The following FREM2 variants were observed in gnomAD, a reference collection of about 807,000 sequenced individuals.
FREM2 encodes the protein FRAS1-related extracellular matrix protein 2.
In FREM2, 119 loss-of-function variants were observed where a neutral mutation model predicts 219.9. The ratio of observed to expected loss-of-function variants is 0.54; its 90% confidence interval spans 0.47 to 0.63. FREM2 has a LOEUF of 0.63. FREM2 is among the 30% of genes least tolerant of loss of function. The probability of loss-of-function intolerance (pLI) is 0.00; values close to 1 mark genes in which losing one functional copy is unlikely to be tolerated. For missense variants in FREM2, 4,030 were observed against 3,993.6 expected (o/e 1.01, Z -0.25); for synonymous variants, 1,562 against 1,522.8 (o/e 1.03, Z -0.60).
Position 38,691,916 on chromosome 13 carries a change from C to G in FREM2, c.4572C>G (p.Ile1524Met). 1 of 1,614,186 alleles carries G rather than the reference C, an allele frequency of 6.2e-7. No individual in the cohort carries two copies. Among genetic ancestry groups the G allele is most frequent in the Non-Finnish European group, 8.5e-7 (1 of 1,180,042 alleles). The change falls in exon 1 of 24, where the codon ATC becomes ATG. Residue 1524 changes from isoleucine (I) to methionine (M), a missense_variant. Ile to Met is a conservative substitution (Grantham distance 10). Transcript: ENST00000280481. ...ACCCTGTCTTTCGGACATTCCGTAT[C>G]TCCATTAGCGATGTGGACAATAAAA... ...GRNPVFRTFRISISDVDNKKP... is the reference protein window; with the variant it reads ...GRNPVFRTFRMSISDVDNKKP...
intron 1 of FREM2, among the ~76,000 whole-genome samples, chr13:38,694,333 T>G (rs1870017186): frequency 6.6e-6 from 1 of 152,206 alleles, no homozygotes; most frequent in African/African-American, 2.4e-5. Context: ...CATTCCAATA[T>G]AAACCAAAAT....
At position 38,690,757 on chromosome 13, in the gene FREM2, T is replaced by G; in HGVS notation, c.3413T>G (p.Leu1138Trp). 1 of 1,614,152 alleles carries G rather than the reference T, an allele frequency of 6.2e-7. No individual in the cohort carries two copies. The highest frequency in any genetic ancestry group is 8.5e-7 in the Non-Finnish European group (1 of 1,180,020). ...RAGIAISAFN[L>W]KDLRQGHINY... ...GGGATTGCCATAAGTGCTTTCAACT[T>G]GAAAGATCTCAGGCAGGGCCACATA... The change falls in exon 1 of 24, where the codon TTG becomes TGG. Residue 1138 changes from leucine (L) to tryptophan (W), a missense_variant. This residue lies in a region of FREM2 where 3,102 missense variants were observed against 2,950.7 expected (regional missense o/e 1.05). Coordinates refer to ENST00000280481, the MANE Select transcript of FREM2 (RefSeq NM_207361.6).
Position 38,887,115 on chromosome 13 carries a change from G to T in FREM2, c.*6328G>T, listed in dbSNP as rs1878757978. ...ATACCAAGTGTGTAATATAAATAAA[G>T]CCCATATCAATATAAATGTTCAAAT... On this transcript the variant is annotated 3_prime_UTR_variant, in exon 24 of 24. Coordinates refer to ENST00000280481, the MANE Select transcript of FREM2 (RefSeq NM_207361.6). 6.6e-6 allele frequency: 1 copy of T among 152,106 alleles called. No individual in the cohort carries two copies. Among genetic ancestry groups the T allele is most frequent in the African/African-American group, 2.4e-5 (1 of 41,420 alleles). The allele number at this position is 152,106 out of a possible 1,614,324, so 9.4% of individuals were successfully genotyped here.
chr13:38,786,284 T>C (rs974565967), intron 6 of FREM2, among the ~76,000 whole-genome samples: 17 of 152,184 alleles, frequency 1.1e-4, no homozygotes, highest in Non-Finnish European at 1.0e-4. Context: ...TTCTGTAGAA[T>C]CCATAACAAC....
Position 38,884,144 on chromosome 13 carries a change from C to T in FREM2, c.*3357C>T, listed in dbSNP as rs995961202. The T allele has an allele frequency of 6.6e-6, 1 of 152,160 alleles. No homozygotes were observed. The highest frequency in any genetic ancestry group is 2.1e-4 in the South Asian group (1 of 4,826). 9.4% of individuals were successfully genotyped at this position (152,160 alleles called of 1,614,324 possible). On this transcript the variant is annotated 3_prime_UTR_variant, in exon 24 of 24. Coordinates refer to ENST00000280481, the MANE Select transcript of FREM2 (RefSeq NM_207361.6). ...TAAAGGTCAGCTAGCATCCTGCTGC[C>T]AAGCCACTGCATAGCATTTGTGATA...
intron 2 of FREM2, among the ~76,000 whole-genome samples, chr13:38,754,563 T>C (rs996283942): frequency 6.6e-6 from 1 of 152,088 alleles, no homozygotes; most frequent in Admixed American, 6.6e-5. Context: ...CTGACACTGA[T>C]TTACCTCATG....
chr13:38,880,767 A>G lies in FREM2; in HGVS notation c.9490A>G (p.Asn3164Asp). The change falls in exon 24 of 24, where the codon AAT becomes GAT. Residue 3164 changes from asparagine (N) to aspartate (D), a missense_variant. Coordinates refer to ENST00000280481, the MANE Select transcript of FREM2 (RefSeq NM_207361.6). Reference sequence around the variant, plus strand: ...CATGGTGCCCCCACAGAGCCATCACAATGACAGCTCAGAAGTTTGATGACT... The same window carrying G: ...CATGGTGCCCCCACAGAGCCATCACGATGACAGCTCAGAAGTTTGATGACT... ...EPMVPPQSHHNDSSEV is the reference protein window; with the variant it reads ...EPMVPPQSHHDDSSEV 6.2e-7 allele frequency: 1 copy of G among 1,614,158 alleles called. No homozygotes were observed. The highest frequency in any genetic ancestry group is 8.5e-7 in the Non-Finnish European group (1 of 1,180,044).
rs979599972 is a variant in FREM2, at chr13:38,690,107, A to G, written c.2763A>G (p.Arg921=). The G allele has an allele frequency of 1.2e-6, 2 of 1,614,152 alleles. No individual in the cohort carries two copies. Among genetic ancestry groups the G allele is most frequent in the African/African-American group, 2.7e-5 (2 of 75,050 alleles). ...GCTGCTCCTTGGAAGTCAGTGACAGACATCATGTGGTGCCCATCACTCTCA... is the reference window on the plus strand; with the variant it reads ...GCTGCTCCTTGGAAGTCAGTGACAGGCATCATGTGGTGCCCATCACTCTCA... ...TDSCSLEVSD[R]HHVVPITLRV... is the part of the protein sequence containing the mutation. Residue 921 remains arginine (R), a synonymous_variant, in exon 1 of 24, where the codon AGA becomes AGG. Coordinates refer to ENST00000280481, the MANE Select transcript of FREM2 (RefSeq NM_207361.6).
rs147023228 is a variant in FREM2, at chr13:38,839,152, G to A, written c.6020-7421G>A. On this transcript the variant is annotated intron_variant, in intron 6 of 23. Coordinates refer to ENST00000280481, the MANE Select transcript of FREM2 (RefSeq NM_207361.6). ...CTTAGGATGGAGTTTTTGTGTGGTC[G>A]TCCTTTGTGTTGATGTTGATGCTAT... 8.1e-3 allele frequency among the ~76,000 whole-genome samples: 1,229 copies of A among 152,224 alleles called. 10 individuals carry two copies. The highest frequency in any genetic ancestry group is 0.028 in the African/African-American group (1,170 of 41,526).
intron 2 of FREM2, among the ~76,000 whole-genome samples, chr13:38,759,045 G>A (rs181454920): frequency 6.6e-6 from 1 of 152,036 alleles, no homozygotes. Context: ...AAACAATAAC[G>A]AAAATCAAAT....
chr13:38,706,011 T>C (rs985905416), intron 2 of FREM2, among the ~76,000 whole-genome samples: 39 of 152,310 alleles, frequency 2.6e-4, no homozygotes, highest in Admixed American at 2.4e-3. Context: ...TCACACGTTG[T>C]AAGTAGTTTA....
At chr13:38,824,629 A>G (rs1876200674) in intron 6 of FREM2, among the ~76,000 whole-genome samples, 1 of 151,862 alleles carries the variant, frequency 6.6e-6, no homozygotes. Flanking sequence ...ATCATAGGGA[A>G]TTGAAGCTGT....
chr13:38,840,197 G>A (rs1160027657), intron 6 of FREM2, among the ~76,000 whole-genome samples: 1 of 151,992 alleles, frequency 6.6e-6, no homozygotes, highest in East Asian at 1.9e-4. Context: ...GGCTTCCCTT[G>A]GCCAGGGGAG....
rs9548513 is a variant in FREM2 at position 38,861,746 on chromosome 13, G to A, written c.7651+184G>A. ...CTACCCTGTTTTTATAACTATGGCA[G>A]TGTAAGCATTCGTTAAAATTAGGTA... On this transcript the variant is annotated intron_variant, in intron 15 of 23. Coordinates refer to ENST00000280481, the MANE Select transcript of FREM2 (RefSeq NM_207361.6). Among the ~76,000 whole-genome samples, 58,592 of 151,998 alleles carry A rather than the reference G, an allele frequency of 0.39. 12,293 individuals are homozygous for A. The highest frequency in any genetic ancestry group is 0.55 in the African/African-American group (22,670 of 41,430).
At chr13:38,871,718 T>C (rs1878164943) in intron 16 of FREM2, among the ~76,000 whole-genome samples, 2 of 152,112 alleles carry the variant, frequency 1.3e-5, no homozygotes, top group African/African-American at 4.8e-5. Context: ...CAACTATCCA[T>C]CCATACATGC....
At chr13:38,879,250 T>G (rs1413819065) in intron 23 of FREM2, among the ~76,000 whole-genome samples, 1 of 152,238 alleles carries the variant, frequency 6.6e-6, no homozygotes, top group Non-Finnish European at 1.5e-5. Flanking sequence ...TAATATTATT[T>G]TAAGACTATG....
intron 2 of FREM2, among the ~76,000 whole-genome samples, chr13:38,759,688 C>A (rs1237315422): frequency 1.3e-5 from 2 of 152,210 alleles, no homozygotes; most frequent in Admixed American, 1.3e-4. Context: ...GCTCCTCATG[C>A]ACCATAGATG....
intron 2 of FREM2, among the ~76,000 whole-genome samples, chr13:38,723,958 CAA>C (rs1871405158): frequency 6.6e-6 from 1 of 152,172 alleles, no homozygotes; most frequent in Admixed American, 6.5e-5. Context: ...GGATGCAAGC[CAA>C]GAGTACCCTG....
chr13:38,854,874 G>A (rs1261439819), intron 11 of FREM2, among the ~76,000 whole-genome samples: 1 of 152,118 alleles, frequency 6.6e-6, no homozygotes, highest in Admixed American at 6.5e-5. Context: ...GACTCTAAAG[G>A]ATTTGTAATT....
Sources: allele counts gnomAD v4.1 joint callset (sites outside exome capture counted in the v4.1 genomes callset), GRCh38; gene constraint gnomAD v4.1.1; regional missense constraint gnomAD v4.1.1; transcripts MANE v1.5; gene names NCBI Gene and HGNC (gene_info 2026-07-23, HGNC 2026-07-21).